SPINK8: variants seen among roughly 807,000 people sequenced by gnomAD.
The protein encoded by SPINK8 is serine peptidase inhibitor Kazal type 8 (putative).
SPINK8 carries 12 observed loss-of-function variants against 14.4 expected under a neutral mutation model. The observed-to-expected ratio is 0.83, with a 90% CI of 0.53 to 1.35. The LOEUF is 1.35. Ranked by LOEUF, SPINK8 falls within the 40% of genes most tolerant of loss-of-function variation. The pLI, the probability that SPINK8 is intolerant of heterozygous loss-of-function variation, is 0.00. For missense variants in SPINK8, 103 were observed against 117.0 expected (o/e 0.88, Z 0.55); for synonymous variants, 32 against 37.6 (o/e 0.85, Z 0.55).
Position 48,306,909 on chromosome 3 carries a change from G to A in SPINK8, c.*83C>T. 7.2e-7 allele frequency: 1 copy of A among 1,390,274 alleles called. No homozygotes were observed. The highest frequency in any genetic ancestry group is 1.3e-5 in the South Asian group (1 of 79,536). The allele number at this position is 1,390,274 out of a possible 1,614,324, so 86.1% of individuals were successfully genotyped here. A position where few individuals can be genotyped will look rare whatever the true frequency, so the allele number is the denominator to read the frequency against. On this transcript the variant is annotated 3_prime_UTR_variant, in exon 8 of 8. Transcript: ENST00000434006. Reference sequence around the variant, plus strand: ...TTTGATCCAACCATTAGTAATTAAAGGGGATATATTTGAAGAGGCAACCAT... The same window carrying A: ...TTTGATCCAACCATTAGTAATTAAAAGGGATATATTTGAAGAGGCAACCAT...
At chr3:48,328,238 G>T in intron 4 of SPINK8, 37 bp downstream of exon 4, 1 of 1,548,098 alleles carries the variant, frequency 6.5e-7, no homozygotes, top group Non-Finnish European at 8.8e-7. Flanking sequence ...TAGATTTACT[G>T]CAGAAAATGT....
intron 5 of SPINK8, among the ~76,000 whole-genome samples, chr3:48,320,765 C>T (rs2036062479): frequency 1.3e-5 from 2 of 152,132 alleles, no homozygotes; most frequent in East Asian, 1.9e-4. Context: ...GCCACGACAT[C>T]CTCATCCATT....
At chr3:48,326,257 G>T (rs1305157268) in intron 4 of SPINK8, among the ~76,000 whole-genome samples, 6 of 152,156 alleles carry the variant, frequency 3.9e-5, no homozygotes, top group Non-Finnish European at 7.3e-5. Context: ...GGAAAGATAG[G>T]CAGTGGCTTA....
intron 5 of SPINK8, among the ~76,000 whole-genome samples, chr3:48,320,299 C>T (rs1030925250): frequency 6.6e-6 from 1 of 152,162 alleles, no homozygotes; most frequent in African/African-American, 2.4e-5. Context: ...CCTGCACTCC[C>T]AGCACTTTGG....
intron 6 of SPINK8, among the ~76,000 whole-genome samples, chr3:48,314,596 C>T (rs1037714761): frequency 3.3e-5 from 5 of 152,074 alleles, no homozygotes; most frequent in African/African-American, 1.2e-4. Context: ...CATTATTTGA[C>T]CTGTCTGGGT....
intron 7 of SPINK8, among the ~76,000 whole-genome samples, chr3:48,307,812 C>G (rs958116248): frequency 1.3e-5 from 2 of 151,852 alleles, no homozygotes; most frequent in African/African-American, 4.8e-5. Flanking sequence ...AGATTTGTGA[C>G]TTTTTCTTCA....
At chr3:48,327,443 A>G (rs2036161309) in intron 4 of SPINK8, among the ~76,000 whole-genome samples, 1 of 152,234 alleles carries the variant, frequency 6.6e-6, no homozygotes. Context: ...GTGATTTGCA[A>G]GAAAGATGGA....
chr3:48,325,896 C>T (rs915134691), intron 4 of SPINK8, among the ~76,000 whole-genome samples: 1 of 151,698 alleles, frequency 6.6e-6, no homozygotes, highest in Non-Finnish European at 1.5e-5. Context: ...CCATGCCCAA[C>T]CGTCCTTTCT....
At chr3:48,323,102 G>A (rs778791595) in intron 4 of SPINK8, among the ~76,000 whole-genome samples, 16 of 151,932 alleles carry the variant, frequency 1.1e-4, no homozygotes, top group Non-Finnish European at 1.9e-4. Flanking sequence ...TTTTCTTATA[G>A]CCATCCTAGT....
At chr3:48,312,993 T>C (rs1247884463) in intron 6 of SPINK8, among the ~76,000 whole-genome samples, 1 of 94,220 alleles carries the variant, frequency 1.1e-5, no homozygotes, top group African/African-American at 3.0e-5. Flanking sequence ...TCAGACTCTG[T>C]CTCAAAAAAA....
At chr3:48,310,100 T>A (rs1452321442) in intron 6 of SPINK8, among the ~76,000 whole-genome samples, 154 bp from the exon 7 acceptor site, 1 of 152,182 alleles carries the variant, frequency 6.6e-6, no homozygotes, top group Non-Finnish European at 1.5e-5. Context: ...ACTATATGAA[T>A]TTTTATTTGT....
At chr3:48,308,029 A>G (rs2035873286) in intron 7 of SPINK8, among the ~76,000 whole-genome samples, 1 of 124,224 alleles carries the variant, frequency 8.0e-6, no homozygotes, top group African/African-American at 3.1e-5. Context: ...GCTGGAGTGC[A>G]GTGGCGTGAT....
At chr3:48,310,081 A>T (rs1575340017) in intron 6 of SPINK8, 135 bp from the exon 7 acceptor site, 1 of 1,143,558 alleles carries the variant, frequency 8.7e-7, no homozygotes, top group Admixed American at 4.7e-5. Flanking sequence ...GCAAATATTT[A>T]AAAATTCTAC....
chr3:48,307,961 C>CTTT lies in SPINK8; in HGVS notation c.283-961_283-959dup, dbSNP rs869147798. Among the ~76,000 whole-genome samples, 332 of 68,230 alleles carry CTTT rather than the reference C, an allele frequency of 4.9e-3. 45 individuals carry two copies. The highest frequency in any genetic ancestry group is 0.016 in the African/African-American group (257 of 15,700). 44.8% of individuals were successfully genotyped at this position (68,230 alleles called of 152,430 possible). ...ATGAATTCTGACTTCAGTCTGCATT[C>CTTT]TTTTTTTTTTTTTTTTTTTTTTTTT... On this transcript the variant is annotated intron_variant, in intron 7 of 7. Coordinates refer to ENST00000434006, the MANE Select transcript of SPINK8 (RefSeq NM_001080525.3).
chr3:48,328,245 A>G, intron 4 of SPINK8, 30 bp downstream of exon 4: 1 of 1,580,806 alleles, frequency 6.3e-7, no homozygotes, highest in Non-Finnish European at 8.6e-7. Context: ...ACTGCAGAAA[A>G]TGTGGGCAGA....
At chr3:48,331,822 G>T (rs1457862812) in intron 2 of SPINK8, among the ~76,000 whole-genome samples, 1 of 152,222 alleles carries the variant, frequency 6.6e-6, no homozygotes, top group Non-Finnish European at 1.5e-5. Flanking sequence ...GAGGACAGTT[G>T]TCTGGGACAG....
intron 5 of SPINK8, among the ~76,000 whole-genome samples, chr3:48,320,502 C>T (rs1575344473): frequency 1.3e-5 from 2 of 151,552 alleles, no homozygotes; most frequent in Admixed American, 6.6e-5. Flanking sequence ...GAGCTGAGAT[C>T]GCGCCACTGC....
chr3:48,319,533 G>A lies in SPINK8; in HGVS notation c.203C>T (p.Thr68Ile). 7 of 1,613,974 alleles carry A rather than the reference G, an allele frequency of 4.3e-6. No individual in the cohort carries two copies. The highest frequency in any genetic ancestry group is 1.1e-5 in the South Asian group (1 of 91,076). ...GCACAGATGGCAGTCACTACTGTAG[G>A]TAACCTGGTCACTGCCACAAATAGG... The part of the protein sequence containing the change: ...SEPICGSDQV[T>I]YSSDCHLCSK... The change falls in exon 6 of 8, where the codon ACC becomes ATC. Residue 68 changes from threonine to isoleucine, a missense_variant. Transcript: ENST00000434006.
chr3:48,325,330 A>T (rs2036123986), intron 4 of SPINK8, among the ~76,000 whole-genome samples: 1 of 149,084 alleles, frequency 6.7e-6, no homozygotes, highest in South Asian at 2.1e-4. Context: ...CTGCCATTTT[A>T]CTTTTTGTTT....
Sources: gnomAD v4.1 joint callset for allele counts (sites outside exome capture counted in the v4.1 genomes callset) on GRCh38, gnomAD v4.1.1 for gene constraint, MANE v1.5 for transcripts, NCBI Gene and HGNC (gene_info 2026-07-23, HGNC 2026-07-21) for gene names.